The following ADAMTSL3 variants were observed in gnomAD, a reference collection of about 807,000 sequenced individuals.
ADAMTSL3 encodes the protein ADAMTS-like protein 3.
ADAMTSL3 carries 128 observed loss-of-function variants against 201.7 expected under a neutral mutation model. That is an observed-to-expected ratio of 0.63 (90% CI 0.55 to 0.73). The LOEUF (loss-of-function observed/expected upper bound fraction) is 0.73. Ranked by LOEUF, ADAMTSL3 falls within the 30% of genes least tolerant of loss-of-function variation. ADAMTSL3 has a pLI of 0.00. For synonymous variants in ADAMTSL3, 738 were observed against 748.4 expected, an observed-to-expected ratio of 0.99 and a Z score of 0.23; for missense variants, 1,990 against 2,119.6, an observed-to-expected ratio of 0.94 and a Z score of 1.20.
intron 6 of ADAMTSL3, among the ~76,000 whole-genome samples, chr15:83,834,068 C>G (rs1454217725): frequency 6.6e-6 from 1 of 152,184 alleles, no homozygotes; most frequent in African/African-American, 2.4e-5. Context: ...AGCTCAGTAG[C>G]TTAAAACAAT....
chr15:83,882,993 A>C, intron 9 of ADAMTSL3, among the ~76,000 whole-genome samples: 1 of 152,042 alleles, frequency 6.6e-6, no homozygotes, highest in South Asian at 2.1e-4. Flanking sequence ...CTATTTGTCT[A>C]TTATCTCTAT....
At chr15:83,960,250 C>T (rs1292104709) in intron 19 of ADAMTSL3, among the ~76,000 whole-genome samples, 1 of 152,060 alleles carries the variant, frequency 6.6e-6, no homozygotes. Context: ...AAAAAACCCA[C>T]TAAAAGAATG....
chr15:83,654,730 G>T lies in ADAMTSL3; in HGVS notation c.-34+454G>T, dbSNP rs1254861165. ...ACCGGGACGCGGCGGAGGCACTGGA[G>T]GAGCGACTTCGAGGCAGCGGGTAGT... On this transcript the variant is annotated intron_variant, in intron 1 of 29. Transcript: ENST00000286744. This position sits in a 1 kb window ranked among gnomAD's most constrained non-coding sequence, Gnocchi z 5.3. 6.6e-6 allele frequency among the ~76,000 whole-genome samples: 1 copy of T among 152,152 alleles called. No individual in the cohort carries two copies. The highest frequency in any genetic ancestry group is 1.5e-5 in the Non-Finnish European group (1 of 68,022).
intron 17 of ADAMTSL3, among the ~76,000 whole-genome samples, chr15:83,932,295 A>G (rs1365373589): frequency 6.6e-6 from 1 of 152,220 alleles, no homozygotes; most frequent in African/African-American, 2.4e-5. Flanking sequence ...AATATGTAAA[A>G]CATATCTTGA....
chr15:83,803,440 G>T (rs1596239019), intron 4 of ADAMTSL3, among the ~76,000 whole-genome samples: 1 of 152,110 alleles, frequency 6.6e-6, no homozygotes, highest in Non-Finnish European at 1.5e-5. Flanking sequence ...AATTGAAATA[G>T]TATCTGTTGA....
intron 9 of ADAMTSL3, among the ~76,000 whole-genome samples, chr15:83,871,226 AGTTT>A (rs912718184): frequency 1.3e-5 from 2 of 152,130 alleles, no homozygotes; most frequent in African/African-American, 2.4e-5. Context: ...TGCTTTGTTC[AGTTT>A]GTTTGTTGGT....
intron 4 of ADAMTSL3, among the ~76,000 whole-genome samples, chr15:83,795,635 T>A (rs575851907): frequency 7.0e-4 from 106 of 152,166 alleles, no homozygotes; most frequent in African/African-American, 1.9e-3. Context: ...GAAAAAAAAA[T>A]TCCACGTTGG....
At chr15:83,690,468 T>C (rs2061595858) in intron 2 of ADAMTSL3, among the ~76,000 whole-genome samples, 1 of 152,192 alleles carries the variant, frequency 6.6e-6, no homozygotes, top group Non-Finnish European at 1.5e-5. Flanking sequence ...TATGCCCCTG[T>C]TGTTCTAGAA....
intron 23 of ADAMTSL3, 34 bp from the exon 24 acceptor site, chr15:84,014,508 A>G (rs2068055278): frequency 6.3e-7 from 1 of 1,591,482 alleles, no homozygotes; most frequent in Non-Finnish European, 8.6e-7. Flanking sequence ...TTCTTAAAGG[A>G]ATTGCCTTTG....
chr15:83,877,977 C>T (rs961413816), intron 9 of ADAMTSL3, among the ~76,000 whole-genome samples: 36 of 152,066 alleles, frequency 2.4e-4, no homozygotes, highest in Admixed American at 2.1e-3. Context: ...GGATTGTATA[C>T]GTACGCAATT....
At position 83,885,449 on chromosome 15, in the gene ADAMTSL3, A is replaced by C. The variant is rs76457699; in HGVS notation, c.1072+237A>C. Among the ~76,000 whole-genome samples, 3,914 of 152,178 alleles carry C rather than the reference A, an allele frequency of 0.026. 179 individuals carry two copies. The highest frequency in any genetic ancestry group is 0.087 in the African/African-American group (3,605 of 41,510). ...TACCTTTTACTTTTAGCCAAAAAAAAAAAACAAAACAAAACTGTAAACAAA... is the reference window on the plus strand; with the variant it reads ...TACCTTTTACTTTTAGCCAAAAAAACAAAACAAAACAAAACTGTAAACAAA... On this transcript the variant is annotated intron_variant, in intron 10 of 29. Transcript: ENST00000286744.
intron 19 of ADAMTSL3, among the ~76,000 whole-genome samples, chr15:83,946,624 A>G (rs1206343766): frequency 6.6e-6 from 1 of 152,224 alleles, no homozygotes; most frequent in Non-Finnish European, 1.5e-5. Flanking sequence ...GTCTTTGCAA[A>G]GTCAGAGAAA....
intron 4 of ADAMTSL3, among the ~76,000 whole-genome samples, chr15:83,799,119 G>C (rs780333159): frequency 2.5e-4 from 38 of 152,076 alleles, no homozygotes; most frequent in Admixed American, 5.9e-4. Flanking sequence ...CTGCCTTAGA[G>C]ACTTATTAAG....
At chr15:83,905,916 T>C (rs532550079) in intron 15 of ADAMTSL3, among the ~76,000 whole-genome samples, 9 of 152,096 alleles carry the variant, frequency 5.9e-5, no homozygotes, top group Non-Finnish European at 1.3e-4. Context: ...TTAAATGTTA[T>C]TTTGTAGTTT....
intron 19 of ADAMTSL3, among the ~76,000 whole-genome samples, chr15:83,969,800 C>T (rs1313464743): frequency 2.6e-5 from 4 of 152,064 alleles, no homozygotes; most frequent in East Asian, 1.9e-4. Context: ...TAGAGATCTG[C>T]GGAAAAACAT....
At chr15:83,839,382 T>C (rs1751077614) in intron 7 of ADAMTSL3, among the ~76,000 whole-genome samples, 1 of 152,178 alleles carries the variant, frequency 6.6e-6, no homozygotes, top group Non-Finnish European at 1.5e-5. Context: ...CAGGCCTGAC[T>C]GTACATTGAA....
intron 7 of ADAMTSL3, among the ~76,000 whole-genome samples, chr15:83,857,608 A>G (rs554607722): frequency 1.3e-5 from 2 of 152,206 alleles, no homozygotes; most frequent in African/African-American, 4.8e-5. Flanking sequence ...AAAATCTGGA[A>G]TGGACATTCA....
In ADAMTSL3 at chr15:83,849,280, C is replaced by T. The variant is rs543006236; in HGVS notation, c.728-9486C>T. 7.5e-4 allele frequency among the ~76,000 whole-genome samples: 114 copies of T among 152,238 alleles called. 1 individual carries two copies. The highest frequency in any genetic ancestry group is 2.7e-3 in the African/African-American group (111 of 41,544). On this transcript the variant is annotated intron_variant, in intron 7 of 29. Transcript: ENST00000286744. ...TAGCTGGCACTACAGGCATGTACCA[C>T]CACACCTGGCTAATTTTTAAATTTT... is the stretch of plus-strand genomic sequence containing the variant.
chr15:83,722,414 G>A (rs1436964018), intron 3 of ADAMTSL3, among the ~76,000 whole-genome samples: 1 of 152,196 alleles, frequency 6.6e-6, no homozygotes, highest in Non-Finnish European at 1.5e-5. Context: ...CATTAAATAT[G>A]TGTCAGTTGT....
Sources: gnomAD v4.1 joint callset for allele counts (sites outside exome capture counted in the v4.1 genomes callset) on GRCh38, gnomAD v4.1.1 for gene constraint, Gnocchi (gnomAD v3.1) non-coding constraint, MANE v1.5 for transcripts, NCBI Gene and HGNC (gene_info 2026-07-23, HGNC 2026-07-21) for gene names.